The following BTRC variants were observed in gnomAD, a reference collection of about 807,000 sequenced individuals.
BTRC encodes beta-transducin repeat containing E3 ubiquitin protein ligase, also known as F-box/WD repeat-containing protein 1A.
Under a neutral mutation model 85.5 loss-of-function variants are expected in BTRC, and 42 were observed. The ratio of observed to expected loss-of-function variants is 0.49; its 90% CI spans 0.38 to 0.64. BTRC has a LOEUF of 0.64. Ranked by LOEUF, BTRC falls within the 30% of genes least tolerant of loss-of-function variation. The pLI, the probability that BTRC is intolerant of heterozygous loss-of-function variation, is 0.00. For missense variants in BTRC, 594 were observed against 743.5 expected, an observed-to-expected ratio of 0.80 and a Z score of 2.34; for synonymous variants, 255 against 263.3, an observed-to-expected ratio of 0.97 and a Z score of 0.30.
chr10:101,376,732 A>G (rs1319424610), intron 1 of BTRC, among the ~76,000 whole-genome samples: 1 of 152,204 alleles, frequency 6.6e-6, no homozygotes, highest in African/African-American at 2.4e-5. Context: ...ATTCAGTACA[A>G]TTAAATAAGG....
chr10:101,420,005 C>T (rs544893776), intron 1 of BTRC, among the ~76,000 whole-genome samples: 1 of 151,380 alleles, frequency 6.6e-6, no homozygotes, highest in Non-Finnish European at 1.5e-5. Flanking sequence ...TTAGGTTGCT[C>T]CTAGGCCCTC....
chr10:101,532,952 A>G lies in BTRC; in HGVS notation c.979A>G (p.Ile327Val). The G allele has an allele frequency of 6.2e-7, 1 of 1,606,624 alleles. No individual in the cohort carries two copies. Among genetic ancestry groups the G allele is most frequent in the Admixed American group, 1.7e-5 (1 of 59,934 alleles). Residue 327 changes from isoleucine (I) to valine (V), a missense_variant and splice_region_variant, in exon 9 of 15, where the codon ATC becomes GTC. By Grantham distance (29) the Ile-to-Val change is conservative. Transcript: ENST00000370187. ...AAAAGGATCTTATTTGCCATCCTAG[A>G]TCTGGGATAAAAACACATTGGAATG... is the stretch of plus-strand genomic sequence containing the variant. ...VSGLRDNTIK[I>V]WDKNTLECKR... is the part of the protein sequence containing the mutation.
At chr10:101,443,421 TAA>T (rs898232311) in intron 2 of BTRC, among the ~76,000 whole-genome samples, 2 of 152,206 alleles carry the variant, frequency 1.3e-5, no homozygotes, top group African/African-American at 2.4e-5. Context: ...CTAGGCATTC[TAA>T]CTTGTAAAAA....
intron 1 of BTRC, among the ~76,000 whole-genome samples, chr10:101,381,985 TTTTTTTTTTTTTTTTG>T (rs1169080634): frequency 8.4e-6 from 1 of 119,576 alleles, no homozygotes; most frequent in African/African-American, 3.3e-5. Context: ...TTTTTTTTTT[TTTTTTTTTTTTTTTTG>T]AGATGGCGTC....
intron 1 of BTRC, among the ~76,000 whole-genome samples, chr10:101,383,463 C>G (rs141692181): frequency 6.6e-6 from 1 of 150,576 alleles, no homozygotes; most frequent in South Asian, 2.1e-4. Context: ...ACTTGCCATT[C>G]GAGCAGATAT....
intron 13 of BTRC, among the ~76,000 whole-genome samples, chr10:101,549,709 G>A (rs2134476971): frequency 4.1e-5 from 1 of 24,206 alleles, no homozygotes; most frequent in Non-Finnish European, 6.1e-5. Flanking sequence ...GCGAGACTCT[G>A]TCTCAAAAAA....
chr10:101,550,618 C>G, intron 13 of BTRC, 81 bp from the exon 14 acceptor site: 2 of 1,449,508 alleles, frequency 1.4e-6, no homozygotes, highest in Non-Finnish European at 1.9e-6. Flanking sequence ...TCCGTAGACT[C>G]CTTTTGACAT....
At chr10:101,361,603 CT>C (rs2134478086) in intron 1 of BTRC, among the ~76,000 whole-genome samples, 1 of 152,330 alleles carries the variant, frequency 6.6e-6, no homozygotes, top group East Asian at 1.9e-4. Context: ...GAAGGGTCCA[CT>C]GGATCTTAAC....
At chr10:101,374,911 T>C (rs1310590129) in intron 1 of BTRC, among the ~76,000 whole-genome samples, 1 of 152,102 alleles carries the variant, frequency 6.6e-6, no homozygotes, top group Non-Finnish European at 1.5e-5. Flanking sequence ...TTTGAGTAAT[T>C]TCATAACCGC....
chr10:101,504,356 G>C (rs942564713), intron 4 of BTRC, among the ~76,000 whole-genome samples: 6 of 152,068 alleles, frequency 3.9e-5, no homozygotes, highest in Admixed American at 3.3e-4. Context: ...GGTGAGCTTG[G>C]TAATGCTGGG....
intron 3 of BTRC, among the ~76,000 whole-genome samples, chr10:101,466,357 T>C (rs1389853853): frequency 1.3e-5 from 2 of 152,212 alleles, no homozygotes; most frequent in African/African-American, 2.4e-5. Flanking sequence ...ATTCTTTCTC[T>C]TGTGTAGCTG....
At chr10:101,386,798 T>TG (rs1313815257) in intron 1 of BTRC, among the ~76,000 whole-genome samples, 3 of 152,146 alleles carry the variant, frequency 2.0e-5, no homozygotes, top group African/African-American at 4.8e-5. Context: ...GGTGAATTGG[T>TG]GGGGGGTGTT....
At chr10:101,468,659 C>G (rs1349918547) in intron 3 of BTRC, among the ~76,000 whole-genome samples, 2 of 152,022 alleles carry the variant, frequency 1.3e-5, no homozygotes, top group African/African-American at 4.8e-5. Flanking sequence ...CTTCCTATAC[C>G]CCCACTCCCA....
intron 1 of BTRC, among the ~76,000 whole-genome samples, chr10:101,387,413 A>T (rs938768483): frequency 2.0e-5 from 3 of 150,926 alleles, no homozygotes; most frequent in African/African-American, 7.3e-5. Flanking sequence ...GAACACTAGG[A>T]CTTATTCCTC....
intron 1 of BTRC, among the ~76,000 whole-genome samples, chr10:101,410,060 A>G (rs1943734790): frequency 6.6e-6 from 1 of 152,188 alleles, no homozygotes; most frequent in South Asian, 2.1e-4. Flanking sequence ...GTTTCTCCAC[A>G]TCCTTGTCAG....
chr10:101,507,151 C>CTTTTTTCCCA (rs1384202811), intron 4 of BTRC, among the ~76,000 whole-genome samples: 1 of 152,150 alleles, frequency 6.6e-6, no homozygotes, highest in Non-Finnish European at 1.5e-5. Context: ...ATCACTGGGG[C>CTTTTTTCCCA]TTTTTTCCCA....
intron 6 of BTRC, among the ~76,000 whole-genome samples, chr10:101,528,604 T>G (rs1450727331): frequency 6.6e-6 from 1 of 152,188 alleles, no homozygotes; most frequent in Non-Finnish European, 1.5e-5. Flanking sequence ...TACTTATACA[T>G]CCCGTGTCAA....
chr10:101,501,650 T>C (rs1327354235), intron 4 of BTRC, among the ~76,000 whole-genome samples: 1 of 152,190 alleles, frequency 6.6e-6, no homozygotes, highest in Non-Finnish European at 1.5e-5. Context: ...TTAGTACTCT[T>C]GAGCCTCGTA....
In BTRC at chr10:101,556,091, CTT is replaced by C. The variant is rs969305254; in HGVS notation, c.*2972_*2973del. On this transcript the variant is annotated 3_prime_UTR_variant, in exon 15 of 15. Transcript: ENST00000370187. ...TCTCCTAACTTCAGAGACAGGGACT[CTT>C]TTTGGATCTCTATTGACAAGTAATA... is the stretch of plus-strand genomic sequence containing the variant. 7.9e-5 allele frequency: 12 copies of C among 152,196 alleles called. No homozygotes were observed. Among genetic ancestry groups the C allele is most frequent in the African/African-American group, 2.2e-4 (9 of 41,456 alleles). 9.4% of individuals were successfully genotyped at this position (152,196 alleles called of 1,614,324 possible).
Sources: allele counts gnomAD v4.1 joint callset (sites outside exome capture counted in the v4.1 genomes callset), GRCh38; gene constraint gnomAD v4.1.1; transcripts MANE v1.5; gene names NCBI Gene and HGNC (gene_info 2026-07-23, HGNC 2026-07-21).